The following WNK1 variants were observed in gnomAD, a reference collection of about 807,000 sequenced individuals.
The protein encoded by WNK1 is serine/threonine-protein kinase WNK1.
A neutral mutation model predicts 222.8 loss-of-function variants in WNK1; 38 were observed. The ratio of observed to expected loss-of-function variants is 0.17; its 90% CI spans 0.13 to 0.22. The LOEUF is 0.22. Among genes scored for constraint, WNK1 ranks in the 10% least tolerant of loss-of-function variants. The pLI is 1.00. For missense variants in WNK1, 2,348 were observed against 2,918.4 expected, an observed-to-expected ratio of 0.80 and a Z score of 4.50; for synonymous variants, 1,090 against 1,092.9, an observed-to-expected ratio of 1.00 and a Z score of 0.05.
intron 1 of WNK1, among the ~76,000 whole-genome samples, chr12:809,044 G>A (rs995625182): frequency 1.1e-4 from 16 of 151,788 alleles, no homozygotes; most frequent in African/African-American, 3.1e-4. Flanking sequence ...GATTACAGGC[G>A]TGAGCCACCG....
chr12:755,435 A>G (rs1465856226), intron 1 of WNK1, among the ~76,000 whole-genome samples: 1 of 152,234 alleles, frequency 6.6e-6, no homozygotes, highest in Non-Finnish European at 1.5e-5. Flanking sequence ...TCAGGTTCCA[A>G]ATAACTAAGG....
Position 753,657 on chromosome 12 carries a change from C to T in WNK1, c.92C>T (p.Ser31Phe). The T allele has an allele frequency of 6.2e-7, 1 of 1,612,524 alleles. No individual in the cohort carries two copies. The highest frequency in any genetic ancestry group is 8.5e-7 in the Non-Finnish European group (1 of 1,179,882). The change falls in exon 1 of 28, where the codon TCC becomes TTC. Residue 31 changes from serine (S) to phenylalanine (F), a missense_variant. Transcript: ENST00000315939. The surrounding 1 kb of genome is among the most constrained non-coding windows in gnomAD (Gnocchi z 5.2). ...PAPAPKNGSS[S>F]DSSVGEKLGA... The stretch of plus-strand genomic sequence containing the variant: ...CCTGCCCCCAAGAATGGCTCCAGCT[C>T]CGATTCCTCCGTGGGGGAGAAACTG...
intron 4 of WNK1, among the ~76,000 whole-genome samples, chr12:849,527 A>G (rs1024413411): frequency 3.3e-5 from 5 of 152,196 alleles, no homozygotes; most frequent in African/African-American, 1.2e-4. Flanking sequence ...AGGGAGAAGA[A>G]GAGGCAAAAA....
At chr12:870,399 T>A (rs1952042063) in intron 8 of WNK1, among the ~76,000 whole-genome samples, 1 of 152,202 alleles carries the variant, frequency 6.6e-6, no homozygotes, top group Non-Finnish European at 1.5e-5. Context: ...ATATTTATAA[T>A]AGTTAAGCTG....
intron 9 of WNK1, among the ~76,000 whole-genome samples, chr12:872,230 A>G (rs1039351515): frequency 1.3e-5 from 2 of 152,112 alleles, no homozygotes; most frequent in East Asian, 1.9e-4. Flanking sequence ...GGTTCAAGCT[A>G]TTCTCACGCC....
Position 827,130 on chromosome 12 carries a change from C to T in WNK1, c.1021C>T (p.Arg341Ter). ...TAAAGGTCTTCAGTTTCTTCATACTCGAACTCCACCTATCATTCACCGCGA... is the reference window on the plus strand; with the variant it reads ...TAAAGGTCTTCAGTTTCTTCATACTTGAACTCCACCTATCATTCACCGCGA... ...ILKGLQFLHT[R>*]TPPIIHRDLK... Residue 341 changes from arginine (R) to a stop codon, truncating the protein, a stop_gained, in exon 3 of 28, where the codon CGA becomes TGA. Coordinates refer to ENST00000315939, the MANE Select transcript of WNK1 (RefSeq NM_018979.4). LOFTEE classifies it high-confidence loss of function. The surrounding 1 kb of genome is among the most constrained non-coding windows in gnomAD (Gnocchi z 4.6). 6.2e-7 allele frequency: 1 copy of T among 1,614,158 alleles called. No individual in the cohort carries two copies. Among genetic ancestry groups the T allele is most frequent in the Non-Finnish European group, 8.5e-7 (1 of 1,180,010 alleles).
intron 4 of WNK1, among the ~76,000 whole-genome samples, chr12:830,760 A>T (rs970891928): frequency 1.3e-5 from 2 of 152,192 alleles, no homozygotes; most frequent in African/African-American, 4.8e-5. Flanking sequence ...GCTACTCTAA[A>T]ATACATTTTC....
intron 17 of WNK1, 128 bp downstream of exon 17, chr12:883,959 C>T: frequency 2.0e-6 from 3 of 1,476,992 alleles, no homozygotes; most frequent in Admixed American, 1.8e-5. Context: ...ACCCAGGAGG[C>T]GGAGGTTGCA....
chr12:840,291 C>CTTTTT (rs71441622), intron 4 of WNK1, among the ~76,000 whole-genome samples: 5 of 128,406 alleles, frequency 3.9e-5, no homozygotes, highest in African/African-American at 9.2e-5. Context: ...CCATGTCCAG[C>CTTTTT]TTTTTTTTTT....
chr12:856,114 C>G (rs1209909842), intron 4 of WNK1, among the ~76,000 whole-genome samples: 1 of 151,546 alleles, frequency 6.6e-6, no homozygotes, highest in Non-Finnish European at 1.5e-5. Context: ...GCTGGGATTA[C>G]AGGTGTGAGC....
chr12:879,600 A>G lies in WNK1; in HGVS notation c.2401A>G (p.Ile801Val), dbSNP rs139449198. The G allele has an allele frequency of 8.3e-5, 132 of 1,599,182 alleles. 1 individual carries two copies. The African/African-American group carries it at 1.7e-3, about 21-fold the overall frequency. ...TCCAGTTTCCCAGCCAGTACCAACT[A>G]TCCAAGGCGAACCTCAGATCCCAGT... ...QLPVSQPVPT[I>V]QGEPQIPVAT... The change falls in exon 11 of 28, where the codon ATC (isoleucine) becomes GTC (valine). Residue 801 changes from isoleucine to valine, a missense_variant. Physicochemically the swap from Ile to Val is conservative, Grantham distance 29. Coordinates refer to ENST00000315939, the MANE Select transcript of WNK1 (RefSeq NM_018979.4).
chr12:909,027 T>C lies in WNK1; in HGVS notation c.*235T>C, dbSNP rs117827410. The C allele has an allele frequency of 3.6e-6, 2 of 562,828 alleles. No homozygotes were observed. Among genetic ancestry groups the C allele is most frequent in the East Asian group, 6.2e-5 (2 of 32,330 alleles). The allele number at this position is 562,828 out of a possible 1,614,324, so 34.9% of individuals were successfully genotyped here. ...AACAGCTTTTTTGTCAAGGGGCAGC[T>C]TCAGACCATGCTTTCCTGTTTATCT... On this transcript the variant is annotated 3_prime_UTR_variant, in exon 28 of 28. Transcript: ENST00000315939.
At chr12:890,546 A>G (rs1954123868) in intron 22 of WNK1, 33 bp downstream of exon 22, 1 of 1,611,136 alleles carries the variant, frequency 6.2e-7, no homozygotes, top group Non-Finnish European at 8.5e-7. Flanking sequence ...TTATATTACT[A>G]ATTCCAGCCC....
Position 822,140 on chromosome 12 carries a change from C to G in WNK1, c.933-4902C>G, listed in dbSNP as rs200573634. Among the ~76,000 whole-genome samples, 13 of 122,494 alleles carry G rather than the reference C, an allele frequency of 1.1e-4. No individual in the cohort carries two copies. In the East Asian group the frequency reaches 3.7e-3, roughly 35 times the overall value. The allele number at this position is 122,494 out of a possible 152,430, so 80.4% of individuals were successfully genotyped here. On this transcript the variant is annotated intron_variant, in intron 2 of 27. Transcript: ENST00000315939. ...ACGGAGCCTCGCTCTGTTGCCCAGA[C>G]TGGAGTGCAGTGGCACAGTCTCAGC...
intron 1 of WNK1, among the ~76,000 whole-genome samples, chr12:775,014 T>C (rs1942942236): frequency 6.6e-6 from 1 of 152,150 alleles, no homozygotes; most frequent in African/African-American, 2.4e-5. Context: ...TCTGTTTTTC[T>C]TTTTTTCATT....
At chr12:908,063 C>G (rs368255542) in intron 27 of WNK1, 29 bp downstream of exon 27, 33 of 1,611,252 alleles carry the variant, frequency 2.0e-5, no homozygotes, top group Non-Finnish European at 2.8e-5. Context: ...GCAGAGAATC[C>G]GTAACACACA....
intron 8 of WNK1, among the ~76,000 whole-genome samples, chr12:867,405 G>A (rs1301776360): frequency 6.6e-6 from 1 of 152,164 alleles, no homozygotes; most frequent in East Asian, 1.9e-4. Context: ...AGGGTAATAA[G>A]AATATAGGGA....
intron 9 of WNK1, among the ~76,000 whole-genome samples, chr12:877,840 AAG>A (rs1379383070): frequency 9.8e-5 from 15 of 152,316 alleles, no homozygotes; most frequent in African/African-American, 3.6e-4. Flanking sequence ...ATAGGTGCCA[AAG>A]AGAGAGCTGA....
intron 1 of WNK1, among the ~76,000 whole-genome samples, chr12:767,995 G>A (rs1422383367): frequency 6.6e-6 from 1 of 152,100 alleles, no homozygotes; most frequent in Non-Finnish European, 1.5e-5. Context: ...GACAAAAAAA[G>A]CCACCAGCCA....
Sources: allele counts gnomAD v4.1 joint callset (sites outside exome capture counted in the v4.1 genomes callset), GRCh38; gene constraint gnomAD v4.1.1; non-coding constraint Gnocchi (gnomAD v3.1); transcripts MANE v1.5; gene names NCBI Gene and HGNC (gene_info 2026-07-23, HGNC 2026-07-21).